LDB3: variants seen among roughly 807,000 people sequenced by gnomAD.
LDB3 encodes the protein LIM domain-binding protein 3.
A neutral mutation model predicts 69.0 loss-of-function variants in LDB3; 49 were observed. The observed-to-expected ratio is 0.71, with a 90% CI of 0.56 to 0.90. The LOEUF is 0.90. LDB3 is among the 40% of genes least tolerant of loss of function. The pLI, the probability that LDB3 is intolerant of heterozygous loss-of-function variation, is 0.00. For missense variants in LDB3, 928 were observed against 974.1 expected (o/e 0.95, Z 0.63); for synonymous variants, 387 against 396.2 (o/e 0.98, Z 0.28).
rs1411257025 is a variant in LDB3, at chr10:86,718,708, C to T, written c.1858-19C>T. ...CTCCCTCTCTCCTTTCTGTCCTGAGCTTAGGCTCTTTCCCCCAGGAAGTAA... is the reference window on the plus strand; with the variant it reads ...CTCCCTCTCTCCTTTCTGTCCTGAGTTTAGGCTCTTTCCCCCAGGAAGTAA... On this transcript the variant is annotated intron_variant, in intron 11 of 13. Transcript: ENST00000361373. 1 of 1,614,148 alleles carries T rather than the reference C, an allele frequency of 6.2e-7. No homozygotes were observed. Among genetic ancestry groups the T allele is most frequent in the East Asian group, 2.2e-5 (1 of 44,876 alleles).
chr10:86,673,595 T>A (rs1174037482), intron 2 of LDB3, among the ~76,000 whole-genome samples: 1 of 151,834 alleles, frequency 6.6e-6, no homozygotes, highest in African/African-American at 2.4e-5. Flanking sequence ...AGGGTGAGCA[T>A]GAGCAAAGCC....
rs45577134 is a variant in LDB3 at position 86,726,250 on chromosome 10, G to T, written c.2092G>T (p.Ala698Ser). 6.2e-7 allele frequency: 1 copy of T among 1,613,018 alleles called. No homozygotes were observed. The highest frequency in any genetic ancestry group is 8.5e-7 in the Non-Finnish European group (1 of 1,179,050). The stretch of plus-strand genomic sequence containing the variant: ...TTGGCACGACACCTGCTTCATTTGC[G>T]CAGTATGTCTCTAGCTTGGGGCTCT... ...HTWHDTCFIC[A>S]VCHVNLEGQP... Residue 698 changes from alanine (A) to serine (S), a missense_variant and splice_region_variant, in exon 13 of 14, where the codon GCA becomes TCA. Ala to Ser is a moderately conservative substitution (Grantham distance 99, BLOSUM62 1). Coordinates refer to ENST00000361373, the MANE Select transcript of LDB3 (RefSeq NM_007078.3).
At chr10:86,676,349 G>C (rs1049604384) in intron 2 of LDB3, among the ~76,000 whole-genome samples, 1 of 152,088 alleles carries the variant, frequency 6.6e-6, no homozygotes, top group Non-Finnish European at 1.5e-5. Flanking sequence ...AATCACTTGA[G>C]GTCAGGAGTT....
chr10:86,666,790 C>T (rs1844202324), upstream of LDB3: 1 of 470,900 alleles, frequency 2.1e-6, no homozygotes, highest in Admixed American at 2.3e-5. Flanking sequence ...CTCCCTTTCC[C>T]CAGAGGCGAG....
chr10:86,715,188 G>C (rs1328160683), intron 9 of LDB3, among the ~76,000 whole-genome samples: 1 of 152,194 alleles, frequency 6.6e-6, no homozygotes, highest in Non-Finnish European at 1.5e-5. Context: ...GGCGGGGTGT[G>C]GGTGCAGGGA....
intron 2 of LDB3, among the ~76,000 whole-genome samples, chr10:86,674,623 G>T (rs7475311): frequency 0.18 from 26,716 of 152,140 alleles, 2,623 homozygotes; most frequent in East Asian, 0.43. Flanking sequence ...ATTGGCGGGA[G>T]AAGACTGAAA....
chr10:86,724,119 T>C (rs1274470432), intron 12 of LDB3, among the ~76,000 whole-genome samples: 1 of 150,716 alleles, frequency 6.6e-6, no homozygotes, highest in Non-Finnish European at 1.5e-5. Context: ...AAGACCAGCC[T>C]GGCCAAAATG....
chr10:86,710,063 G>A lies in LDB3; in HGVS notation c.1231+13G>A. The A allele has an allele frequency of 6.2e-7, 1 of 1,612,018 alleles. No individual in the cohort carries two copies. Among genetic ancestry groups the A allele is most frequent in the Non-Finnish European group, 8.5e-7 (1 of 1,179,896 alleles). ...GTCTACCAGCCAGGTAAGAGGCAGA[G>A]CAGGAGGGGAGGCTGTCGAAAGCCA... On this transcript the variant is annotated intron_variant, in intron 9 of 13. Transcript: ENST00000361373.
At chr10:86,668,153 AC>A (rs1056608874), upstream of LDB3, among the ~76,000 whole-genome samples, 2 of 152,152 alleles carry the variant, frequency 1.3e-5, no homozygotes, top group African/African-American at 4.8e-5. Flanking sequence ...ATAAAGCACA[AC>A]CCCAGAATCC....
Position 86,676,827 on chromosome 10 carries a change from C to T in LDB3, c.94-2540C>T, listed in dbSNP as rs140743031. On this transcript the variant is annotated intron_variant, in intron 2 of 13. Coordinates refer to ENST00000361373, the MANE Select transcript of LDB3 (RefSeq NM_007078.3). Reference sequence around the variant, plus strand: ...GGGCATCCTGGTTTGGAAGGGGCTTCCCTGTGAGGGGACTGGCAGGAGCTT... The same window carrying T: ...GGGCATCCTGGTTTGGAAGGGGCTTTCCTGTGAGGGGACTGGCAGGAGCTT... 2.3e-3 allele frequency among the ~76,000 whole-genome samples: 351 copies of T among 152,338 alleles called. 2 individuals carry two copies. Among genetic ancestry groups the T allele is most frequent in the Middle Eastern group, 6.8e-3 (2 of 294 alleles).
chr10:86,671,512 G>A (rs1844472296), intron 2 of LDB3, among the ~76,000 whole-genome samples: 2 of 152,064 alleles, frequency 1.3e-5, no homozygotes, highest in African/African-American at 4.8e-5. Context: ...GGGTGGCGGG[G>A]AAATGCCTTT....
chr10:86,670,693 A>C (rs78744600), intron 2 of LDB3, among the ~76,000 whole-genome samples: 1 of 152,126 alleles, frequency 6.6e-6, no homozygotes, highest in Non-Finnish European at 1.5e-5. Flanking sequence ...GCTGGATCCA[A>C]TGACTGTGGG....
intron 7 of LDB3, 73 bp from the exon 8 acceptor site, chr10:86,706,458 C>A: frequency 6.6e-7 from 1 of 1,520,424 alleles, no homozygotes; most frequent in Non-Finnish European, 9.1e-7. Context: ...CAGCCACCTG[C>A]CCCCATGCAG....
intron 5 of LDB3, chr10:86,685,815 T>C: frequency 8.2e-7 from 1 of 1,225,022 alleles, no homozygotes; most frequent in Non-Finnish European, 1.2e-6. Context: ...TATGTGCATA[T>C]GTATGAGTGG....
intron 9 of LDB3, 138 bp downstream of exon 9, chr10:86,710,188 G>A (rs959520376): frequency 1.4e-5 from 21 of 1,525,646 alleles, no homozygotes; most frequent in Admixed American, 7.9e-5. Flanking sequence ...TCCGCCCTCC[G>A]TCCCCTAGCT....
chr10:86,695,689 A>G (rs1009992079), intron 7 of LDB3, among the ~76,000 whole-genome samples: 14 of 152,306 alleles, frequency 9.2e-5, no homozygotes, highest in African/African-American at 2.6e-4. Flanking sequence ...CCACAAACTG[A>G]GCCTCTAATC....
At chr10:86,706,382 C>T in intron 7 of LDB3, 149 bp from the exon 8 acceptor site, 2 of 860,204 alleles carry the variant, frequency 2.3e-6, no homozygotes, top group Non-Finnish European at 3.9e-6. Context: ...CTGGAAGACA[C>T]ACCCTCTGAG....
rs551015863 is a variant in LDB3, at chr10:86,724,648, AATAG to A, written c.1979-1485_1979-1482del. ...AATAAATAAATAAATAAATAAAATAAATAGATAAATAAATAGGGAATATTATCTC... is the reference window on the plus strand; with the variant it reads ...AATAAATAAATAAATAAATAAAATAAATAAATAAATAGGGAATATTATCTC... On this transcript the variant is annotated intron_variant, in intron 12 of 13. Transcript: ENST00000361373. Among the ~76,000 whole-genome samples the A allele has an allele frequency of 2.9e-3, 438 of 151,772 alleles. 1 individual carries two copies. Among genetic ancestry groups the A allele is most frequent in the Non-Finnish European group, 4.9e-3 (334 of 67,916 alleles).
At chr10:86,716,297 C>CAAACAAA (rs1170447688) in intron 9 of LDB3, 30 bp from the exon 10 acceptor site, 1 of 1,610,996 alleles carries the variant, frequency 6.2e-7, no homozygotes, top group Non-Finnish European at 8.5e-7. Context: ...CCTGACACAC[C>CAAACAAA]TTTCTTTGGG....
Sources: allele counts gnomAD v4.1 joint callset (sites outside exome capture counted in the v4.1 genomes callset), GRCh38; gene constraint gnomAD v4.1.1; transcripts MANE v1.5; gene names NCBI Gene and HGNC (gene_info 2026-07-23, HGNC 2026-07-21).